The following DNM3 variants were observed in gnomAD, a reference collection of about 807,000 sequenced individuals.
DNM3 encodes the protein dynamin 3, also known as dynamin-3.
Under a neutral mutation model 101.6 loss-of-function variants are expected in DNM3, and 47 were observed. The observed-to-expected ratio is 0.46, with a 90% CI of 0.37 to 0.59. The LOEUF is 0.59. Among genes scored for constraint, DNM3 ranks in the 20% least tolerant of loss-of-function variants. The pLI, the probability that DNM3 is intolerant of heterozygous loss-of-function variation, is 0.00. For synonymous variants in DNM3, 385 were observed against 387.9 expected, an observed-to-expected ratio of 0.99 and a Z score of 0.09; for missense variants, 849 against 1,085.7, an observed-to-expected ratio of 0.78 and a Z score of 3.06.
At chr1:171,883,721 C>T (rs927274214) in intron 1 of DNM3, among the ~76,000 whole-genome samples, 3 of 152,146 alleles carry the variant, frequency 2.0e-5, no homozygotes, top group African/African-American at 7.2e-5. Context: ...CTGCCCTCCT[C>T]GGCCTCCCAA....
At chr1:171,956,856 C>A (rs941697016) in intron 2 of DNM3, among the ~76,000 whole-genome samples, 4 of 152,204 alleles carry the variant, frequency 2.6e-5, no homozygotes, top group African/African-American at 9.6e-5. Context: ...CTCAATACCA[C>A]ATGGAAGCTA....
chr1:172,111,845 G>A (rs181238678), intron 13 of DNM3, among the ~76,000 whole-genome samples: 34 of 151,458 alleles, frequency 2.2e-4, no homozygotes, highest in Admixed American at 2.0e-3. Flanking sequence ...TTTCAATTTA[G>A]CCATTTAAGG....
At chr1:172,347,194 GC>G (rs58835347) in intron 17 of DNM3, among the ~76,000 whole-genome samples, 1 of 147,188 alleles carries the variant, frequency 6.8e-6, no homozygotes, top group Non-Finnish European at 1.5e-5. Context: ...ACTAGCAGAA[GC>G]CCCCCCCGCC....
At chr1:172,289,299 C>G (rs1384510280) in intron 15 of DNM3, among the ~76,000 whole-genome samples, 1 of 151,918 alleles carries the variant, frequency 6.6e-6, no homozygotes, top group Non-Finnish European at 1.5e-5. Context: ...AAATTTTTTT[C>G]CAATTTATCC....
Position 172,092,879 on chromosome 1 carries a change from G to A in DNM3, c.1545+4G>A. 1 of 1,557,160 alleles carries A rather than the reference G, an allele frequency of 6.4e-7. No homozygotes were observed. Among genetic ancestry groups the A allele is most frequent in the African/African-American group, 1.4e-5 (1 of 73,458 alleles). On this transcript the variant is annotated splice_donor_region_variant and intron_variant, in intron 13 of 20. Transcript: ENST00000627582. ...GAAAACCACAGTTGGAAATCAGGTAGGAATTGCATAAGAGAATCAGTGTAT... is the reference window on the plus strand; with the variant it reads ...GAAAACCACAGTTGGAAATCAGGTAAGAATTGCATAAGAGAATCAGTGTAT...
chr1:171,892,929 T>C (rs975825808), intron 1 of DNM3, among the ~76,000 whole-genome samples: 82 of 150,816 alleles, frequency 5.4e-4, no homozygotes, highest in Non-Finnish European at 3.4e-4. Context: ...GTGGTAATGC[T>C]GTTGCCCACG....
At chr1:172,286,061 GAGTT>G (rs1165701073) in intron 15 of DNM3, among the ~76,000 whole-genome samples, 1 of 111,530 alleles carries the variant, frequency 9.0e-6, no homozygotes, top group Non-Finnish European at 1.8e-5. Context: ...CTTTTAAAGT[GAGTT>G]ATTTATATAT....
chr1:172,241,591 C>T (rs1257177287), intron 14 of DNM3, among the ~76,000 whole-genome samples: 6 of 152,050 alleles, frequency 3.9e-5, no homozygotes, highest in Non-Finnish European at 8.8e-5. Flanking sequence ...ATTGGGAGGG[C>T]AAACTTGCAG....
At chr1:172,258,906 A>G (rs1235907732) in intron 15 of DNM3, among the ~76,000 whole-genome samples, 1 of 150,476 alleles carries the variant, frequency 6.6e-6, no homozygotes, top group Non-Finnish European at 1.5e-5. Context: ...CTTTATCAGC[A>G]CTGTTTTCAC....
rs558940452 is a variant in DNM3, at chr1:172,222,502, TG to T, written c.1660-31069del. Among the ~76,000 whole-genome samples the T allele has an allele frequency of 3.5e-3, 539 of 152,280 alleles. 6 individuals are homozygous for T. The South Asian group carries it at 0.042, about 12-fold the overall frequency. The stretch of plus-strand genomic sequence containing the variant: ...GTGATTATAGAGAACAAGAAACATC[TG>T]GATTTTCCGAGGCTGAATAAAGAGA... On this transcript the variant is annotated intron_variant, in intron 14 of 20. Transcript: ENST00000627582.
chr1:172,025,760 C>A (rs758977965), intron 4 of DNM3, among the ~76,000 whole-genome samples: 2 of 152,110 alleles, frequency 1.3e-5, no homozygotes, highest in Non-Finnish European at 2.9e-5. Context: ...ATAGCATCAA[C>A]GTCAACAAAA....
At chr1:172,362,571 C>T (rs1269562647) in intron 17 of DNM3, among the ~76,000 whole-genome samples, 1 of 151,930 alleles carries the variant, frequency 6.6e-6, no homozygotes, top group East Asian at 1.9e-4. Context: ...CTTTTGCCTT[C>T]TGGCTTCTTT....
At chr1:171,963,834 A>C (rs903237377) in intron 2 of DNM3, among the ~76,000 whole-genome samples, 3 of 151,754 alleles carry the variant, frequency 2.0e-5, no homozygotes, top group Non-Finnish European at 4.4e-5. Context: ...GCTGTTTACC[A>C]TGTAAACCAA....
chr1:172,395,231 C>T (rs1055611909), intron 20 of DNM3, among the ~76,000 whole-genome samples: 62 of 148,508 alleles, frequency 4.2e-4, no homozygotes, highest in African/African-American at 1.4e-3. Context: ...AGTGCAGTGG[C>T]GTGGTCTCGG....
chr1:172,335,108 C>T (rs973470519), intron 17 of DNM3, among the ~76,000 whole-genome samples: 1 of 152,056 alleles, frequency 6.6e-6, no homozygotes, highest in African/African-American at 2.4e-5. Flanking sequence ...AATAACTTGA[C>T]TCATGGATTG....
intron 16 of DNM3, among the ~76,000 whole-genome samples, chr1:172,316,915 C>T (rs1199958291): frequency 6.6e-6 from 1 of 152,150 alleles, no homozygotes; most frequent in Non-Finnish European, 1.5e-5. Flanking sequence ...GAACTCTCCA[C>T]CCCAAATCAA....
chr1:172,258,558 T>A (rs985316750), intron 15 of DNM3, among the ~76,000 whole-genome samples: 2 of 152,082 alleles, frequency 1.3e-5, no homozygotes, highest in African/African-American at 4.8e-5. Context: ...GTGCATAGTT[T>A]TTCATAATAA....
At chr1:172,198,972 C>CT (rs1284525987) in intron 14 of DNM3, among the ~76,000 whole-genome samples, 1 of 151,884 alleles carries the variant, frequency 6.6e-6, no homozygotes, top group East Asian at 1.9e-4. Context: ...TTTGTTCTTG[C>CT]TTCTCTAATT....
At chr1:172,091,311 C>T (rs2053891834) in intron 12 of DNM3, among the ~76,000 whole-genome samples, 1 of 152,090 alleles carries the variant, frequency 6.6e-6, no homozygotes, top group South Asian at 2.1e-4. Flanking sequence ...GGCAGACAAA[C>T]ACAAAAAATA....
Sources: gnomAD v4.1 joint callset for allele counts (sites outside exome capture counted in the v4.1 genomes callset) on GRCh38, gnomAD v4.1.1 for gene constraint, MANE v1.5 for transcripts, NCBI Gene and HGNC (gene_info 2026-07-23, HGNC 2026-07-21) for gene names.